CTNNA3: variants seen among roughly 807,000 people sequenced by gnomAD.
The protein encoded by CTNNA3 is catenin alpha 3.
In CTNNA3, 76 loss-of-function variants were observed where a neutral mutation model predicts 95.7. The observed-to-expected ratio is 0.79, with a 90% CI of 0.66 to 0.96. CTNNA3 has a LOEUF of 0.96. Ranked by LOEUF, CTNNA3 falls within the 40% of genes least tolerant of loss-of-function variation. The pLI is 0.00. For missense variants in CTNNA3, 1,191 were observed against 1,089.8 expected (o/e 1.09, Z -1.31); for synonymous variants, 431 against 374.4 (o/e 1.15, Z -1.74).
intron 13 of CTNNA3, among the ~76,000 whole-genome samples, chr10:66,222,664 G>T (rs1280047400): frequency 6.7e-6 from 1 of 149,588 alleles, no homozygotes; most frequent in African/African-American, 2.5e-5. Flanking sequence ...AGAGAGTAAG[G>T]AAGGGAGGGA....
At chr10:66,185,432 T>C (rs185380406) in intron 13 of CTNNA3, among the ~76,000 whole-genome samples, 4 of 152,194 alleles carry the variant, frequency 2.6e-5, no homozygotes, top group African/African-American at 2.4e-5. Context: ...TGAAATGAGC[T>C]ATTAAAAGTT....
chr10:67,216,964 C>A (rs530507385), intron 6 of CTNNA3, among the ~76,000 whole-genome samples: 14 of 152,284 alleles, frequency 9.2e-5, no homozygotes, highest in Middle Eastern at 3.4e-3. Flanking sequence ...TCCAATAAAT[C>A]AATTGATTTA....
At chr10:66,035,388 A>G (rs144327365) in intron 15 of CTNNA3, among the ~76,000 whole-genome samples, 1,559 of 152,258 alleles carry the variant, frequency 0.01, 63 homozygotes, top group Non-Finnish European at 5.6e-3. Flanking sequence ...GAATAACCAA[A>G]TAACTAAACA....
intron 7 of CTNNA3, among the ~76,000 whole-genome samples, chr10:66,790,030 G>A (rs1840906006): frequency 6.6e-6 from 1 of 152,152 alleles, no homozygotes; most frequent in Non-Finnish European, 1.5e-5. Flanking sequence ...AAGGCATAAC[G>A]GGGTGCTCTT....
At chr10:67,568,069 G>C (rs533001262) in intron 3 of CTNNA3, among the ~76,000 whole-genome samples, 1 of 152,076 alleles carries the variant, frequency 6.6e-6, no homozygotes, top group Non-Finnish European at 1.5e-5. Flanking sequence ...CCAGAAACTA[G>C]GGGACTTTCT....
intron 4 of CTNNA3, among the ~76,000 whole-genome samples, chr10:67,533,332 A>T (rs1310890544): frequency 6.6e-6 from 1 of 152,154 alleles, no homozygotes; most frequent in East Asian, 1.9e-4. Flanking sequence ...TCAAAAAAAA[A>T]AAAAAGAAAT....
At chr10:67,532,957 C>T (rs186041582) in intron 4 of CTNNA3, among the ~76,000 whole-genome samples, 1 of 152,236 alleles carries the variant, frequency 6.6e-6, no homozygotes, top group East Asian at 1.9e-4. Context: ...ATGTTTTCTT[C>T]CCACGATGTC....
intron 9 of CTNNA3, among the ~76,000 whole-genome samples, chr10:66,658,982 C>A (rs1846162453): frequency 6.6e-6 from 1 of 152,132 alleles, no homozygotes; most frequent in Non-Finnish European, 1.5e-5. Flanking sequence ...AGCCACCATA[C>A]CCAGCAGTTT....
intron 7 of CTNNA3, among the ~76,000 whole-genome samples, chr10:66,844,010 G>A (rs1357676506): frequency 6.6e-6 from 1 of 152,182 alleles, no homozygotes; most frequent in African/African-American, 2.4e-5. Flanking sequence ...AGCTATAAAT[G>A]TCTGGATCCA....
intron 10 of CTNNA3, among the ~76,000 whole-genome samples, chr10:66,592,932 G>T (rs1843600398): frequency 6.6e-6 from 1 of 152,108 alleles, no homozygotes; most frequent in South Asian, 2.1e-4. Flanking sequence ...TGAAATAATG[G>T]TAATGATAAC....
At chr10:66,751,211 T>C (rs1207487964) in intron 9 of CTNNA3, among the ~76,000 whole-genome samples, 2 of 152,092 alleles carry the variant, frequency 1.3e-5, no homozygotes, top group African/African-American at 4.8e-5. Flanking sequence ...GAGGTTGCAG[T>C]GAGCCTAGAT....
At chr10:67,624,864 T>C (rs1226445586) in intron 2 of CTNNA3, among the ~76,000 whole-genome samples, 1 of 152,248 alleles carries the variant, frequency 6.6e-6, no homozygotes, top group Non-Finnish European at 1.5e-5. Context: ...AAAGCATTTG[T>C]ATGACTAGTC....
chr10:67,447,086 C>T (rs1564656458), intron 5 of CTNNA3, among the ~76,000 whole-genome samples: 1 of 152,140 alleles, frequency 6.6e-6, no homozygotes, highest in Non-Finnish European at 1.5e-5. Context: ...GCCTGGGTGA[C>T]AGAGAGAGAC....
chr10:66,674,103 C>T (rs1391628995), intron 9 of CTNNA3, among the ~76,000 whole-genome samples: 1 of 151,880 alleles, frequency 6.6e-6, no homozygotes, highest in Non-Finnish European at 1.5e-5. Context: ...CAATCAATTC[C>T]ATCTATTCTT....
intron 10 of CTNNA3, among the ~76,000 whole-genome samples, chr10:66,589,168 T>C (rs1208309558): frequency 6.6e-6 from 1 of 151,898 alleles, no homozygotes; most frequent in East Asian, 1.9e-4. Flanking sequence ...TTTATAGTTA[T>C]AAGAGGGCTT....
chr10:65,992,799 T>G (rs533167829), intron 15 of CTNNA3, among the ~76,000 whole-genome samples: 1 of 152,268 alleles, frequency 6.6e-6, no homozygotes, highest in South Asian at 2.1e-4. Context: ...AGCTTGTTCT[T>G]GCTTTTCTAA....
At chr10:67,755,750 C>T (rs995763450) in intron 1 of CTNNA3, among the ~76,000 whole-genome samples, 5 of 137,256 alleles carry the variant, frequency 3.6e-5, no homozygotes, top group Admixed American at 7.7e-5. Context: ...TGAAATGAGC[C>T]GAGATCACAC....
intron 7 of CTNNA3, among the ~76,000 whole-genome samples, chr10:67,109,261 G>C (rs772406983): frequency 1.3e-5 from 2 of 152,012 alleles, no homozygotes; most frequent in African/African-American, 4.8e-5. Context: ...TAAAAAGTAG[G>C]GAAAAAATTA....
chr10:66,928,213 G>A, intron 7 of CTNNA3: 4 of 1,614,064 alleles, frequency 2.5e-6, no homozygotes, highest in Non-Finnish European at 3.4e-6. Flanking sequence ...GTCCGTGCTC[G>A]TCATCCTGCT....
Sources: allele counts gnomAD v4.1 joint callset (sites outside exome capture counted in the v4.1 genomes callset), GRCh38; gene constraint gnomAD v4.1.1; transcripts MANE v1.5; gene names NCBI Gene and HGNC (gene_info 2026-07-23, HGNC 2026-07-21).